The following CSMD1 variants were observed in gnomAD, a reference collection of about 807,000 sequenced individuals.
CSMD1 encodes the protein CUB and Sushi multiple domains 1, also known as CUB and sushi domain-containing protein 1.
A neutral mutation model predicts 417.5 loss-of-function variants in CSMD1; 213 were observed. The observed-to-expected ratio is 0.51, with a 90% CI of 0.46 to 0.57. The LOEUF (loss-of-function observed/expected upper bound fraction) is 0.57. CSMD1 is among the 20% of genes least tolerant of loss of function. The probability of loss-of-function intolerance (pLI) is 0.00; values close to 1 mark genes in which losing one functional copy is unlikely to be tolerated. For synonymous variants in CSMD1, 2,862 were observed against 1,736.8 expected (o/e 1.65, Z -16.11); for missense variants, 6,923 against 4,529.7 (o/e 1.53, Z -15.17).
chr8:4,770,388 G>A (rs1796539596), intron 1 of CSMD1, among the ~76,000 whole-genome samples: 1 of 148,304 alleles, frequency 6.7e-6, no homozygotes, highest in Non-Finnish European at 1.5e-5. Flanking sequence ...ACGTAATTAA[G>A]CTTTTATATA....
chr8:4,837,583 G>C (rs186383777), intron 1 of CSMD1, among the ~76,000 whole-genome samples: 8 of 152,240 alleles, frequency 5.3e-5, no homozygotes, highest in African/African-American at 1.4e-4. Flanking sequence ...TGAACATAGA[G>C]AATACAAGGA....
chr8:3,084,228 G>T (rs903878946), intron 49 of CSMD1, among the ~76,000 whole-genome samples: 5 of 152,108 alleles, frequency 3.3e-5, no homozygotes, highest in African/African-American at 9.7e-5. Context: ...GCGTGTAAAA[G>T]ATCTACATTC....
In CSMD1 at chr8:2,973,175, G is replaced by A. The variant is rs766407163; in HGVS notation, c.8865C>T (p.Ser2955=). The change falls in exon 57 of 70, where the codon TCC becomes TCT. Residue 2955 remains serine (S), a synonymous_variant. Transcript: ENST00000635120. The stretch of plus-strand genomic sequence containing the variant: ...CATTGAGCAAACACGTGCGTTCAGG[G>A]GAGCCCCTCAGCTGGTGCCCCATTT... ...SCEMGHQLRG[S]PERTCLLNGS... 3 of 1,613,634 alleles carry A rather than the reference G, an allele frequency of 1.9e-6. No homozygotes were observed. The highest frequency in any genetic ancestry group is 2.5e-6 in the Non-Finnish European group (3 of 1,179,762).
intron 21 of CSMD1, among the ~76,000 whole-genome samples, chr8:3,358,739 T>G (rs1808962992): frequency 6.6e-6 from 1 of 152,154 alleles, no homozygotes; most frequent in South Asian, 2.1e-4. Flanking sequence ...AACAAAATTG[T>G]CACCATCGTT....
rs78009752 is a variant in CSMD1, at chr8:4,429,729, C to T, written c.303-9664G>A. ...CTCCATGAGGGCAGAAGTGGGTCTC[C>T]TGTAACCCACAGCCGTATGCTGAGA... On this transcript the variant is annotated intron_variant, in intron 2 of 69. Transcript: ENST00000635120. Among the ~76,000 whole-genome samples the T allele has an allele frequency of 3.3e-3, 497 of 152,256 alleles. 2 individuals are homozygous for T. The highest frequency in any genetic ancestry group is 0.012 in the African/African-American group (483 of 41,562).
intron 54 of CSMD1, among the ~76,000 whole-genome samples, chr8:2,983,202 T>C (rs1037238911): frequency 8.5e-5 from 13 of 152,174 alleles, no homozygotes; most frequent in Admixed American, 3.9e-4. Context: ...TATATTTTTT[T>C]TTGAGATGGA....
At chr8:3,369,081 T>C (rs956881311) in intron 19 of CSMD1, among the ~76,000 whole-genome samples, 173 bp downstream of exon 19, 1 of 152,222 alleles carries the variant, frequency 6.6e-6, no homozygotes, top group Non-Finnish European at 1.5e-5. Flanking sequence ...TATTGTACAG[T>C]TGAAAGACTA....
intron 2 of CSMD1, among the ~76,000 whole-genome samples, chr8:4,507,472 C>A (rs968376132): frequency 6.6e-6 from 1 of 152,046 alleles, no homozygotes; most frequent in Non-Finnish European, 1.5e-5. Flanking sequence ...CTATTGATTA[C>A]AAATAAGTAA....
At chr8:3,483,770 G>C (rs551145559) in intron 11 of CSMD1, among the ~76,000 whole-genome samples, 2 of 152,190 alleles carry the variant, frequency 1.3e-5, no homozygotes, top group East Asian at 3.9e-4. Flanking sequence ...ATGCAACAAT[G>C]TACAAATCAA....
chr8:4,078,719 G>A (rs1201116319), intron 3 of CSMD1, among the ~76,000 whole-genome samples: 1 of 149,424 alleles, frequency 6.7e-6, no homozygotes, highest in African/African-American at 2.5e-5. Context: ...GTTCTCCATA[G>A]ATTGCTTTAA....
At chr8:4,265,304 CAT>C (rs917833488) in intron 3 of CSMD1, among the ~76,000 whole-genome samples, 6 of 151,992 alleles carry the variant, frequency 3.9e-5, no homozygotes, top group African/African-American at 9.6e-5. Flanking sequence ...AGATTAAAAA[CAT>C]ATACGTTAGG....
intron 17 of CSMD1, among the ~76,000 whole-genome samples, chr8:3,392,248 A>T (rs965310254): frequency 6.6e-6 from 1 of 152,130 alleles, no homozygotes; most frequent in East Asian, 1.9e-4. Flanking sequence ...TAAAACTTAA[A>T]GTATAATAAA....
chr8:4,788,634 A>G (rs1416755292), intron 1 of CSMD1: 1 of 778,616 alleles, frequency 1.3e-6, no homozygotes, highest in East Asian at 2.5e-5. Context: ...CAAATTTCTA[A>G]TTTAGCTGAA....
rs142274529 is a variant in CSMD1, at chr8:3,884,599, A to T, written c.818+113304T>A. On this transcript the variant is annotated intron_variant, in intron 5 of 69. Coordinates refer to ENST00000635120, the MANE Select transcript of CSMD1 (RefSeq NM_033225.6). Reference sequence around the variant, plus strand: ...CATACACATGGAAACATCGGTGAGAAGTCATTTGTTCTGATTTGGTTAAAC... The same window carrying T: ...CATACACATGGAAACATCGGTGAGATGTCATTTGTTCTGATTTGGTTAAAC... 5.9e-5 allele frequency among the ~76,000 whole-genome samples: 9 copies of T among 152,300 alleles called. No individual in the cohort carries two copies. The East Asian group carries it at 1.7e-3, about 29-fold the overall frequency.
chr8:3,465,612 C>T lies in CSMD1; in HGVS notation c.1561+3100G>A, dbSNP rs569079959. ...ACATCTTAGGGTTAGAAGTGTGATC[C>T]GAAGATTTGAGGGTCCCCGAAATAT... On this transcript the variant is annotated intron_variant, in intron 12 of 69. Coordinates refer to ENST00000635120, the MANE Select transcript of CSMD1 (RefSeq NM_033225.6). Among the ~76,000 whole-genome samples the T allele has an allele frequency of 2.8e-3, 420 of 152,114 alleles. 2 individuals carry two copies. Among genetic ancestry groups the T allele is most frequent in the African/African-American group, 8.0e-3 (330 of 41,496 alleles).
At chr8:4,744,828 A>T (rs1301362889) in intron 1 of CSMD1, among the ~76,000 whole-genome samples, 1 of 152,160 alleles carries the variant, frequency 6.6e-6, no homozygotes, top group Non-Finnish European at 1.5e-5. Flanking sequence ...AACACCCATA[A>T]GAAAGTATGT....
intron 10 of CSMD1, among the ~76,000 whole-genome samples, chr8:3,541,435 C>G (rs1482451006): frequency 6.6e-6 from 1 of 151,946 alleles, no homozygotes. Context: ...GGCTTAATAC[C>G]TAGGTGATGG....
At chr8:4,849,898 G>A (rs866747493) in intron 1 of CSMD1, among the ~76,000 whole-genome samples, 3 of 152,056 alleles carry the variant, frequency 2.0e-5, no homozygotes, top group East Asian at 3.9e-4. Context: ...ATTAGAAATG[G>A]CATTTCTCGA....
intron 3 of CSMD1, among the ~76,000 whole-genome samples, chr8:4,236,690 G>A (rs930697736): frequency 1.3e-5 from 2 of 152,108 alleles, no homozygotes; most frequent in African/African-American, 2.4e-5. Flanking sequence ...TTCAAGCTTT[G>A]GTCCCTTCAT....
Sources: allele counts gnomAD v4.1 joint callset (sites outside exome capture counted in the v4.1 genomes callset), GRCh38; gene constraint gnomAD v4.1.1; transcripts MANE v1.5; gene names NCBI Gene and HGNC (gene_info 2026-07-23, HGNC 2026-07-21).